SDK1: variants seen among roughly 807,000 people sequenced by gnomAD.
SDK1 encodes protein sidekick-1.
In SDK1, 157 loss-of-function variants were observed where a neutral mutation model predicts 245.5. The ratio of observed to expected loss-of-function variants is 0.64; its 90% CI spans 0.56 to 0.73. SDK1 has a LOEUF of 0.73. SDK1 is among the 30% of genes least tolerant of loss of function. The pLI is 0.00. For synonymous variants in SDK1, 1,647 were observed against 1,278.5 expected, an observed-to-expected ratio of 1.29 and a Z score of -6.15; for missense variants, 3,583 against 3,002.3, an observed-to-expected ratio of 1.19 and a Z score of -4.52.
intron 14 of SDK1, among the ~76,000 whole-genome samples, chr7:3,996,000 A>G (rs577825434): frequency 7.9e-5 from 12 of 152,292 alleles, no homozygotes; most frequent in Non-Finnish European, 1.6e-4. Context: ...CAAGCCTAAA[A>G]TGAGTATTCT....
At chr7:3,412,586 T>G (rs1417296823) in intron 1 of SDK1, among the ~76,000 whole-genome samples, 1 of 152,240 alleles carries the variant, frequency 6.6e-6, no homozygotes, top group African/African-American at 2.4e-5. Context: ...AGCAGTCTTT[T>G]CCACGTGTCA....
intron 4 of SDK1, among the ~76,000 whole-genome samples, chr7:3,746,151 AT>A (rs1779611068): frequency 6.6e-6 from 1 of 152,220 alleles, no homozygotes; most frequent in Non-Finnish European, 1.5e-5. Context: ...AGTCACATGA[AT>A]TTTTTGGTTT....
intron 5 of SDK1, among the ~76,000 whole-genome samples, chr7:3,823,695 C>T (rs1779701268): frequency 6.6e-6 from 1 of 152,136 alleles, no homozygotes; most frequent in East Asian, 1.9e-4. Context: ...TTTAACTTTT[C>T]ATTGGCACCA....
intron 4 of SDK1, among the ~76,000 whole-genome samples, chr7:3,785,148 A>G (rs968483347): frequency 1.1e-4 from 16 of 152,194 alleles, no homozygotes; most frequent in Admixed American, 3.3e-4. Flanking sequence ...TGAATCTGAA[A>G]CAATAACTCA....
intron 42 of SDK1, among the ~76,000 whole-genome samples, chr7:4,241,030 A>G (rs543813749): frequency 6.6e-6 from 1 of 152,232 alleles, no homozygotes; most frequent in South Asian, 2.1e-4. Flanking sequence ...ATTATTTTTT[A>G]TGTTGTTCGG....
chr7:3,403,894 T>C (rs1357538002), intron 1 of SDK1, among the ~76,000 whole-genome samples: 2 of 139,508 alleles, frequency 1.4e-5, no homozygotes, highest in Non-Finnish European at 3.1e-5. Flanking sequence ...TTATATTATA[T>C]ATATATTTAT....
intron 5 of SDK1, among the ~76,000 whole-genome samples, chr7:3,911,983 G>A (rs928828923): frequency 6.6e-6 from 1 of 152,114 alleles, no homozygotes; most frequent in Non-Finnish European, 1.5e-5. Context: ...GGGCATTCTA[G>A]GGAAGGGGCC....
intron 19 of SDK1, among the ~76,000 whole-genome samples, chr7:4,056,446 G>A (rs79682264): frequency 0.02 from 3,106 of 152,252 alleles, 101 homozygotes; most frequent in African/African-American, 0.071. Flanking sequence ...ATCCAAGAGA[G>A]AAGCTGGAAT....
At chr7:3,892,465 C>T (rs766699260) in intron 5 of SDK1, among the ~76,000 whole-genome samples, 14 of 152,186 alleles carry the variant, frequency 9.2e-5, no homozygotes, top group Non-Finnish European at 1.6e-4. Context: ...TGGGACCTGG[C>T]AGCCGTCCCC....
intron 40 of SDK1, among the ~76,000 whole-genome samples, chr7:4,230,460 A>G (rs1363603398): frequency 5.3e-5 from 5 of 93,666 alleles, no homozygotes; most frequent in East Asian, 3.5e-4. Context: ...AGGGAAGGGG[A>G]GTGGAGGGCA....
chr7:3,725,876 A>G (rs182541605), intron 4 of SDK1, among the ~76,000 whole-genome samples: 44 of 152,350 alleles, frequency 2.9e-4, no homozygotes, highest in Admixed American at 1.3e-4. Flanking sequence ...TCGGACTCCA[A>G]TCGTATTGAA....
intron 40 of SDK1, among the ~76,000 whole-genome samples, chr7:4,222,649 G>A (rs1005576850): frequency 1.3e-5 from 2 of 152,152 alleles, no homozygotes; most frequent in Non-Finnish European, 2.9e-5. Flanking sequence ...AAAAGCCAAA[G>A]GCAACATAAA....
chr7:3,850,673 G>A (rs984276459), intron 5 of SDK1, among the ~76,000 whole-genome samples: 8 of 152,058 alleles, frequency 5.3e-5, no homozygotes, highest in African/African-American at 1.9e-4. Flanking sequence ...AATACTATGC[G>A]GCCATAAAAA....
At chr7:3,318,081 C>A (rs1043498012) in intron 1 of SDK1, among the ~76,000 whole-genome samples, 2 of 152,146 alleles carry the variant, frequency 1.3e-5, no homozygotes, top group Non-Finnish European at 2.9e-5. Context: ...CTATATATGT[C>A]TTTCCTTGCA....
intron 1 of SDK1, among the ~76,000 whole-genome samples, chr7:3,582,419 G>C (rs900701548): frequency 6.8e-6 from 1 of 147,982 alleles, no homozygotes; most frequent in Non-Finnish European, 1.5e-5. Flanking sequence ...CCTCAGGTAG[G>C]TCTGTCTCAG....
chr7:3,303,566 C>T (rs1779338056), intron 1 of SDK1, among the ~76,000 whole-genome samples: 1 of 69,124 alleles, frequency 1.4e-5, no homozygotes, highest in Non-Finnish European at 2.6e-5. Flanking sequence ...AAGGCAACAA[C>T]CGAACTTTGT....
intron 4 of SDK1, among the ~76,000 whole-genome samples, chr7:3,672,419 T>C (rs900388647): frequency 1.3e-5 from 2 of 151,314 alleles, no homozygotes; most frequent in African/African-American, 2.4e-5. Flanking sequence ...GTGTTTATAC[T>C]TCTACTGCAA....
chr7:4,086,606 C>T lies in SDK1; in HGVS notation c.3324+7022C>T, dbSNP rs905358466. 5.9e-5 allele frequency among the ~76,000 whole-genome samples: 9 copies of T among 152,292 alleles called. No homozygotes were observed. The South Asian group carries it at 1.4e-3, about 25-fold the overall frequency. ...CCGGGGCAGGTCAAGTCCTCTCAGA[C>T]TCTGGCTCTTTCCTCCTCCTTCCTT... On this transcript the variant is annotated intron_variant, in intron 22 of 44. Transcript: ENST00000404826.
intron 4 of SDK1, among the ~76,000 whole-genome samples, chr7:3,806,675 A>AT (rs1404205448): frequency 1.3e-5 from 2 of 152,034 alleles, no homozygotes; most frequent in African/African-American, 4.8e-5. Context: ...GAACAAATAC[A>AT]TCACAACCTA....
Sources: allele counts gnomAD v4.1 joint callset (sites outside exome capture counted in the v4.1 genomes callset), GRCh38; gene constraint gnomAD v4.1.1; transcripts MANE v1.5; gene names NCBI Gene and HGNC (gene_info 2026-07-23, HGNC 2026-07-21).